Variants in TBCK observed in about 807,000 individuals in gnomAD.
The protein encoded by TBCK is TBC domain-containing protein kinase-like protein.
In TBCK, 99 loss-of-function variants were observed where a neutral mutation model predicts 113.4. The observed-to-expected ratio is 0.87, with a 90% CI of 0.74 to 1.03. The LOEUF (loss-of-function observed/expected upper bound fraction) is 1.03, where lower values mean the gene tolerates loss of function less well. Ranked by LOEUF, TBCK falls within the 50% of genes least tolerant of loss-of-function variation. TBCK has a pLI of 0.00. For missense variants in TBCK, 1,045 were observed against 1,061.3 expected, an observed-to-expected ratio of 0.98 and a Z score of 0.21; for synonymous variants, 369 against 370.8, an observed-to-expected ratio of 1.00 and a Z score of 0.05.
chr4:106,071,591 A>G (rs1364431086), intron 25 of TBCK, among the ~76,000 whole-genome samples: 2 of 152,192 alleles, frequency 1.3e-5, no homozygotes, highest in East Asian at 3.8e-4. Context: ...TGGGCTGAAG[A>G]GTTCTGTAGA....
chr4:106,096,298 T>A (rs995562452), intron 24 of TBCK, among the ~76,000 whole-genome samples: 38 of 151,224 alleles, frequency 2.5e-4, no homozygotes, highest in African/African-American at 9.1e-4. Context: ...GGTACTTTTT[T>A]AAAAAACTGA....
At chr4:106,062,703 G>A (rs1333012519) in intron 25 of TBCK, among the ~76,000 whole-genome samples, 1 of 151,820 alleles carries the variant, frequency 6.6e-6, no homozygotes, top group Non-Finnish European at 1.5e-5. Flanking sequence ...GGAGTACAGG[G>A]TGGGTATGTA....
chr4:106,047,960 C>T (rs1218105434), intron 25 of TBCK, among the ~76,000 whole-genome samples: 1 of 152,076 alleles, frequency 6.6e-6, no homozygotes, highest in Non-Finnish European at 1.5e-5. Flanking sequence ...GCTCACAGTG[C>T]TATTGCTTCT....
chr4:106,108,682 C>T (rs1366707034), intron 24 of TBCK, among the ~76,000 whole-genome samples: 2 of 152,094 alleles, frequency 1.3e-5, no homozygotes, highest in East Asian at 1.9e-4. Context: ...GGAAGCATTC[C>T]CCTTGAAAAC....
chr4:106,157,973 A>C (rs1034032111), intron 23 of TBCK, among the ~76,000 whole-genome samples: 3 of 152,312 alleles, frequency 2.0e-5, no homozygotes, highest in African/African-American at 7.2e-5. Flanking sequence ...TAGAGGCCTT[A>C]AAGCAGAAGT....
chr4:106,055,551 TACACACAC>T lies in TBCK; in HGVS notation c.2572-8879_2572-8872del, dbSNP rs3056715. Among the ~76,000 whole-genome samples, 133 of 149,328 alleles carry T rather than the reference TACACACAC, an allele frequency of 8.9e-4. 1 individual carries two copies. The highest frequency in any genetic ancestry group is 1.8e-3 in the African/African-American group (73 of 40,852). On this transcript the variant is annotated intron_variant, in intron 25 of 25. Transcript: ENST00000394708. ...GTTTGGTTTGTTGAAAGTTCAATTA[TACACACAC>T]ACACACACACACACACATATATATA... is the stretch of plus-strand genomic sequence containing the variant.
chr4:106,316,654 T>C (rs1768921609), upstream of TBCK: 1 of 1,520,250 alleles, frequency 6.6e-7, no homozygotes, highest in South Asian at 1.2e-5. Context: ...CGTAGGGGTC[T>C]TCCTTCTCTA....
intron 24 of TBCK, among the ~76,000 whole-genome samples, chr4:106,102,243 C>T (rs1741643363): frequency 6.6e-6 from 1 of 152,168 alleles, no homozygotes; most frequent in Admixed American, 6.6e-5. Flanking sequence ...CTTTCTTCTT[C>T]TGTATTCTCC....
chr4:106,208,295 C>T (rs1456697748), intron 20 of TBCK, among the ~76,000 whole-genome samples: 7 of 152,044 alleles, frequency 4.6e-5, no homozygotes. Flanking sequence ...TATTGAGAAC[C>T]TCTCCCGTAT....
chr4:106,252,019 C>T lies in TBCK; in HGVS notation c.456-12G>A, dbSNP rs1761491508. On this transcript the variant is annotated splice_polypyrimidine_tract_variant and intron_variant, in intron 5 of 25. Transcript: ENST00000394708. ...AGTACGAGGGATACCTGTAATGATA[C>T]ATTAAAATAATGAAAAATTACAACA... The T allele has an allele frequency of 1.3e-6, 2 of 1,572,824 alleles. No individual in the cohort carries two copies. The highest frequency in any genetic ancestry group is 1.7e-6 in the Non-Finnish European group (2 of 1,159,286).
At chr4:106,200,116 C>CT (rs567920134) in intron 20 of TBCK, among the ~76,000 whole-genome samples, 31 of 152,352 alleles carry the variant, frequency 2.0e-4, no homozygotes, top group African/African-American at 6.7e-4. Context: ...CTCCACATCT[C>CT]TGATATGCTT....
At chr4:106,115,433 G>T (rs966477570) in intron 24 of TBCK, among the ~76,000 whole-genome samples, 7 of 152,078 alleles carry the variant, frequency 4.6e-5, no homozygotes, top group Non-Finnish European at 8.8e-5. Context: ...CCATTAACCT[G>T]CTAACCCTCA....
chr4:106,086,715 A>G (rs1739555785), intron 25 of TBCK, among the ~76,000 whole-genome samples: 1 of 152,238 alleles, frequency 6.6e-6, no homozygotes, highest in Admixed American at 6.5e-5. Flanking sequence ...CCAGTGGCAC[A>G]TCAAAAAACT....
At chr4:106,101,485 TGAA>T (rs1187675845) in intron 24 of TBCK, among the ~76,000 whole-genome samples, 1 of 152,214 alleles carries the variant, frequency 6.6e-6, no homozygotes, top group Non-Finnish European at 1.5e-5. Context: ...TAAATTGCTT[TGAA>T]GAAGTTTTTA....
chr4:106,084,875 A>G (rs1739317437), intron 25 of TBCK, among the ~76,000 whole-genome samples: 1 of 152,178 alleles, frequency 6.6e-6, no homozygotes, highest in Admixed American at 6.5e-5. Context: ...CTTTACAGAC[A>G]AGCAAATGCT....
chr4:106,177,580 A>G (rs1448267343), intron 22 of TBCK, among the ~76,000 whole-genome samples: 1 of 151,944 alleles, frequency 6.6e-6, no homozygotes, highest in African/African-American at 2.4e-5. Flanking sequence ...ATTTATTAAA[A>G]AAAACCTGTC....
chr4:106,116,197 G>C lies in TBCK; in HGVS notation c.2411+6C>G, dbSNP rs199540190. Reference sequence around the variant, plus strand: ...CACCCTTTAAAACAGCATATGCAAAGGATACTCTTCACTATTCCGGATGTC... The same window carrying C: ...CACCCTTTAAAACAGCATATGCAAACGATACTCTTCACTATTCCGGATGTC... On this transcript the variant is annotated splice_donor_region_variant and intron_variant, in intron 24 of 25. Transcript: ENST00000394708. 205 of 1,613,380 alleles carry C rather than the reference G, an allele frequency of 1.3e-4. No homozygotes were observed. Among genetic ancestry groups the C allele is most frequent in the Non-Finnish European group, 1.7e-4 (200 of 1,179,740 alleles).
At chr4:106,122,854 G>T (rs1005919422) in intron 23 of TBCK, among the ~76,000 whole-genome samples, 35 of 152,102 alleles carry the variant, frequency 2.3e-4, no homozygotes, top group East Asian at 1.4e-3. Flanking sequence ...CTCAATAAAT[G>T]AGGTATTGAT....
intron 19 of TBCK, among the ~76,000 whole-genome samples, chr4:106,214,179 A>G (rs2149899966): frequency 6.6e-6 from 1 of 152,276 alleles, no homozygotes; most frequent in East Asian, 1.9e-4. Context: ...AAGGAAAACT[A>G]ACAAACAGAA....
Sources: gnomAD v4.1 joint callset for allele counts (sites outside exome capture counted in the v4.1 genomes callset) on GRCh38, gnomAD v4.1.1 for gene constraint, MANE v1.5 for transcripts, NCBI Gene and HGNC (gene_info 2026-07-23, HGNC 2026-07-21) for gene names.